The following URB1 variants were observed in gnomAD, a reference collection of about 807,000 sequenced individuals.
URB1 encodes the protein nucleolar pre-ribosomal-associated protein 1.
A neutral mutation model predicts 242.3 loss-of-function variants in URB1; 197 were observed. The observed-to-expected ratio is 0.81, with a 90% CI of 0.72 to 0.91. The LOEUF (loss-of-function observed/expected upper bound fraction) is 0.91. Ranked by LOEUF, URB1 falls within the 40% of genes least tolerant of loss-of-function variation. The pLI is 0.00. For missense variants in URB1, 2,721 were observed against 2,860.5 expected (o/e 0.95, Z 1.11); for synonymous variants, 1,153 against 1,201.8 (o/e 0.96, Z 0.84).
chr21:32,385,953 A>G (rs535330326), intron 1 of URB1, among the ~76,000 whole-genome samples: 1 of 152,294 alleles, frequency 6.6e-6, no homozygotes, highest in East Asian at 1.9e-4. Flanking sequence ...GGAGTTCAAG[A>G]CCAGCCTGGC....
chr21:32,314,519 T>C lies in URB1; in HGVS notation c.*399A>G, dbSNP rs757892299. 6.3e-7 allele frequency: 1 copy of C among 1,590,334 alleles called. No individual in the cohort carries two copies. The highest frequency in any genetic ancestry group is 8.6e-7 in the Non-Finnish European group (1 of 1,158,450). On this transcript the variant is annotated 3_prime_UTR_variant, in exon 39 of 39. Coordinates refer to ENST00000382751, the MANE Select transcript of URB1 (RefSeq NM_014825.3). ...CTTTAAACATCTCTCTTCGTTTTCA[T>C]AAAAAAAATCTGATACCTTTTGACA... is the stretch of plus-strand genomic sequence containing the variant.
At chr21:32,338,601 C>T in intron 26 of URB1, 106 bp downstream of exon 26, 1 of 1,280,586 alleles carries the variant, frequency 7.8e-7, no homozygotes, top group Non-Finnish European at 1.1e-6. Context: ...GGCAATGCTT[C>T]CTTAGCTCCG....
Position 32,312,457 on chromosome 21 carries a change from C to T in URB1, c.*2461G>A. ...TCCCCCAGATGTGATGGCATCTGCC[C>T]TGCCAGGTCAGCTCACTGCAGTCTG... On this transcript the variant is annotated 3_prime_UTR_variant, in exon 39 of 39. Transcript: ENST00000382751. 2.2e-6 allele frequency: 1 copy of T among 452,460 alleles called. No individual in the cohort carries two copies. The highest frequency in any genetic ancestry group is 3.3e-6 in the Non-Finnish European group (1 of 304,632). The allele number at this position is 452,460 out of a possible 1,614,324, so 28.0% of individuals were successfully genotyped here.
intron 4 of URB1, among the ~76,000 whole-genome samples, chr21:32,382,287 A>AC (rs768851797): frequency 1.2e-4 from 18 of 152,220 alleles, no homozygotes; most frequent in East Asian, 9.6e-4. Flanking sequence ...TAGCACACAC[A>AC]TTCTTTTTAT....
At chr21:32,390,469 G>T (rs1030938016) in intron 1 of URB1, among the ~76,000 whole-genome samples, 31 of 147,632 alleles carry the variant, frequency 2.1e-4, no homozygotes, top group South Asian at 6.4e-4. Flanking sequence ...TTTTGATGGG[G>T]TTTTTTTTTT....
At chr21:32,367,401 A>T (rs577168755) in intron 9 of URB1, among the ~76,000 whole-genome samples, 1 of 152,198 alleles carries the variant, frequency 6.6e-6, no homozygotes, top group Non-Finnish European at 1.5e-5. Flanking sequence ...GGTGGAGTAC[A>T]TCCTCCTCAT....
In URB1 at chr21:32,378,888, G is replaced by A. The variant is rs545513147; in HGVS notation, c.568-347C>T. 2.6e-5 allele frequency among the ~76,000 whole-genome samples: 4 copies of A among 152,182 alleles called. No individual in the cohort carries two copies. In the South Asian group the frequency reaches 8.3e-4, roughly 32 times the overall value. ...TGGTGTAGAGCAAGACTCTCAGCCT[G>A]CCTAGATCCATCTCCTCTCGCTTGC... On this transcript the variant is annotated intron_variant, in intron 4 of 38. Transcript: ENST00000382751.
Position 32,317,994 on chromosome 21 carries a change from G to A in URB1, c.5793-77C>T, listed in dbSNP as rs569563666. On this transcript the variant is annotated intron_variant, in intron 36 of 38. Coordinates refer to ENST00000382751, the MANE Select transcript of URB1 (RefSeq NM_014825.3). The stretch of plus-strand genomic sequence containing the variant: ...GCAGTCAGCACTGCGGCACCCTGAC[G>A]ACATCACACACCCAGAGGTGCACAC... 12 of 1,514,302 alleles carry A rather than the reference G, an allele frequency of 7.9e-6. No individual in the cohort carries two copies. The African/African-American group carries it at 1.2e-4, about 16-fold the overall frequency. The allele number at this position is 1,514,302 out of a possible 1,614,324, so 93.8% of individuals were successfully genotyped here.
In URB1 at chr21:32,319,280, C is replaced by T. The variant is rs918582809; in HGVS notation, c.5729G>A (p.Arg1910Gln). ...CQPSSQEPAK[R>Q]LALHLVNEFL... is the part of the protein sequence containing the mutation. Reference sequence around the variant, plus strand: ...CTCATTGACCAGGTGCAGGGCAAGCCGCTTGGCAGGCTCCTGGGAGCTAGG... The same window carrying T: ...CTCATTGACCAGGTGCAGGGCAAGCTGCTTGGCAGGCTCCTGGGAGCTAGG... The change falls in exon 36 of 39, where the codon CGG becomes CAG. Residue 1910 changes from arginine (R) to glutamine (Q), a missense_variant. Transcript: ENST00000382751. 28 of 1,551,048 alleles carry T rather than the reference C, an allele frequency of 1.8e-5. No individual in the cohort carries two copies. The highest frequency in any genetic ancestry group is 1.2e-4 in the African/African-American group (9 of 73,050).
At chr21:32,317,594 GAGAC>G (rs1279309211) in intron 37 of URB1, 78 bp downstream of exon 37, 1 of 1,499,874 alleles carries the variant, frequency 6.7e-7, no homozygotes, top group African/African-American at 1.4e-5. Flanking sequence ...ATGTGGCTGA[GAGAC>G]AGAGAGAGAG....
At chr21:32,320,703 A>T in intron 34 of URB1, 63 bp from the exon 35 acceptor site, 1 of 1,230,536 alleles carries the variant, frequency 8.1e-7, no homozygotes, top group South Asian at 1.3e-5. Context: ...GATTAAAGAA[A>T]CCGTTTTAAA....
At position 32,383,524 on chromosome 21, in the gene URB1, G is replaced by T. The variant is rs1012541338; in HGVS notation, c.465C>A (p.Thr155=). The change falls in exon 4 of 39, where the codon ACC becomes ACA. Residue 155 remains threonine (T), a synonymous_variant. Coordinates refer to ENST00000382751, the MANE Select transcript of URB1 (RefSeq NM_014825.3). ...RLARACLSLM[T]AMVTQGPEAA... is the part of the protein sequence containing the mutation. ...CTTCCGGACCCTGGGTCACCATGGC[G>T]GTCATCAGGCTCAGGCAGGCGCGAG... The T allele has an allele frequency of 6.4e-7, 1 of 1,551,552 alleles. No homozygotes were observed. The highest frequency in any genetic ancestry group is 1.2e-5 in the South Asian group (1 of 84,038).
At chr21:32,361,187 G>GAAAGAAAGAAAGAAAT in intron 12 of URB1, 64 bp from the exon 13 acceptor site, 1 of 843,210 alleles carries the variant, frequency 1.2e-6, no homozygotes, top group Non-Finnish European at 1.8e-6. Flanking sequence ...AAGAAAGAAA[G>GAAAGAAAGAAAGAAAT]AAAGAAAGAA....
In URB1 at chr21:32,338,881, T is replaced by C. The variant is rs2123568056; in HGVS notation, c.4336A>G (p.Thr1446Ala). ...KGLKFRYQDHTFLKMLLTAVQ... is the reference protein window; with the variant it reads ...KGLKFRYQDHAFLKMLLTAVQ... ...GCGGTGAGGAGCATCTTTAAAAATG[T>C]GTGGTCCTGGTACCGAAATCTAGGC... The change falls in exon 26 of 39, where the codon ACA becomes GCA. Residue 1446 changes from threonine (T) to alanine (A), a missense_variant. Thr to Ala is a moderately conservative substitution (Grantham distance 58). Coordinates refer to ENST00000382751, the MANE Select transcript of URB1 (RefSeq NM_014825.3). 2 of 1,546,886 alleles carry C rather than the reference T, an allele frequency of 1.3e-6. No homozygotes were observed. The highest frequency in any genetic ancestry group is 1.7e-6 in the Non-Finnish European group (2 of 1,143,024).
At chr21:32,342,598 A>T (rs1267196782) in intron 24 of URB1, among the ~76,000 whole-genome samples, 1 of 151,958 alleles carries the variant, frequency 6.6e-6, no homozygotes. Context: ...TCTGTTTCCA[A>T]CCTAGGCCAG....
chr21:32,384,094 GCAGGCAGGA>G (rs565442790), intron 3 of URB1, among the ~76,000 whole-genome samples: 93 of 152,322 alleles, frequency 6.1e-4, no homozygotes, highest in African/African-American at 2.1e-3. Context: ...AAGGACAGTA[GCAGGCAGGA>G]CAAGAGGGAC....
intron 33 of URB1, among the ~76,000 whole-genome samples, 162 bp from the exon 34 acceptor site, chr21:32,322,106 A>T (rs1430409301): frequency 6.6e-6 from 1 of 152,180 alleles, no homozygotes; most frequent in Non-Finnish European, 1.5e-5. Context: ...CTTTGATTCC[A>T]TTTCTTCAGG....
At chr21:32,321,345 A>T (rs1400125101) in intron 34 of URB1, among the ~76,000 whole-genome samples, 1 of 152,048 alleles carries the variant, frequency 6.6e-6, no homozygotes, top group African/African-American at 2.4e-5. Context: ...TTTCAACCTG[A>T]CCCTTGCTTT....
At chr21:32,366,871 C>T in intron 9 of URB1, 116 bp from the exon 10 acceptor site, 1 of 1,115,870 alleles carries the variant, frequency 9.0e-7, no homozygotes, top group Non-Finnish European at 1.3e-6. Context: ...CGGTAAAGGT[C>T]CGAGACTCCC....
Sources: gnomAD v4.1 joint callset for allele counts (sites outside exome capture counted in the v4.1 genomes callset) on GRCh38, gnomAD v4.1.1 for gene constraint, MANE v1.5 for transcripts, NCBI Gene and HGNC (gene_info 2026-07-23, HGNC 2026-07-21) for gene names.